Variants in EBF2 observed in about 807,000 individuals in gnomAD.
The protein encoded by EBF2 is transcription factor COE2.
Under a neutral mutation model 72.8 loss-of-function variants are expected in EBF2, and 21 were observed. That is an observed-to-expected ratio of 0.29 (90% CI 0.20 to 0.42). The LOEUF is 0.42. EBF2 is among the 10% of genes least tolerant of loss of function. The pLI is 1.00. For synonymous variants in EBF2, 299 were observed against 274.2 expected (o/e 1.09, Z -0.89); for missense variants, 637 against 731.2 (o/e 0.87, Z 1.49).
chr8:26,040,908 G>A, intron 3 of EBF2, 31 bp downstream of exon 3: 2 of 1,613,624 alleles, frequency 1.2e-6, no homozygotes, highest in African/African-American at 1.3e-5. Flanking sequence ...GCTGCTAGGC[G>A]CCGGCTCACC....
chr8:25,957,909 C>T (rs924341814), intron 6 of EBF2, among the ~76,000 whole-genome samples: 6 of 152,172 alleles, frequency 3.9e-5, no homozygotes, highest in African/African-American at 1.4e-4. Flanking sequence ...CCCTGTGATG[C>T]ACAGACCATC....
At chr8:25,999,966 G>C (rs1235072131) in intron 6 of EBF2, among the ~76,000 whole-genome samples, 2 of 152,130 alleles carry the variant, frequency 1.3e-5, no homozygotes, top group Admixed American at 6.5e-5. Flanking sequence ...CAAGGCAGTA[G>C]CACTAGCAAC....
intron 15 of EBF2, among the ~76,000 whole-genome samples, chr8:25,845,348 C>A (rs1801811718): frequency 1.3e-5 from 2 of 152,114 alleles, no homozygotes; most frequent in Admixed American, 6.5e-5. Context: ...CTGCCTCAGC[C>A]TCTGCCTCCT....
Position 26,018,125 on chromosome 8 carries a change from T to C in EBF2, c.551+14960A>G, listed in dbSNP as rs554096803. ...TAGGTTGGAAAAGTTTTTTTTTTTT[T>C]CTCTCCCTTCGCAGGAGCAAACAAA... is the stretch of plus-strand genomic sequence containing the variant. On this transcript the variant is annotated intron_variant, in intron 6 of 15. Transcript: ENST00000520164. 4.1e-4 allele frequency among the ~76,000 whole-genome samples: 61 copies of C among 149,070 alleles called. 1 individual carries two copies. The South Asian group carries it at 6.8e-3, about 17-fold the overall frequency.
chr8:26,026,534 C>T (rs1029362835), intron 6 of EBF2, among the ~76,000 whole-genome samples: 6 of 152,288 alleles, frequency 3.9e-5, no homozygotes, highest in East Asian at 3.9e-4. Flanking sequence ...GGTCCTAATC[C>T]GAGGCCCTTT....
intron 6 of EBF2, chr8:26,032,212 TTC>T (rs749921331): frequency 5.3e-5 from 8 of 152,146 alleles, no homozygotes; most frequent in Admixed American, 2.0e-4. Context: ...ATGCTATACT[TTC>T]CACGAAGAAA....
intron 6 of EBF2, among the ~76,000 whole-genome samples, chr8:25,958,470 C>T (rs192398696): frequency 3.3e-5 from 5 of 152,144 alleles, no homozygotes; most frequent in South Asian, 2.1e-4. Context: ...CATTCCTTCT[C>T]TCTCTTTTTT....
intron 10 of EBF2, among the ~76,000 whole-genome samples, chr8:25,881,083 T>C (rs1420065699): frequency 1.3e-5 from 2 of 152,230 alleles, no homozygotes; most frequent in Admixed American, 1.3e-4. Context: ...CCATCATTTC[T>C]GGCCTGGGCC....
intron 6 of EBF2, among the ~76,000 whole-genome samples, chr8:26,009,267 G>T (rs576991199): frequency 1.1e-4 from 16 of 152,260 alleles, no homozygotes; most frequent in Non-Finnish European, 1.9e-4. Flanking sequence ...CCCCCAGAAA[G>T]AAGAGAATCA....
intron 6 of EBF2, among the ~76,000 whole-genome samples, chr8:26,007,547 T>C (rs767131848): frequency 1.4e-4 from 21 of 152,012 alleles, no homozygotes; most frequent in Admixed American, 6.5e-5. Flanking sequence ...ACTAAAACAG[T>C]CTCATTTAGA....
chr8:25,971,212 G>GA (rs1000117819), intron 6 of EBF2, among the ~76,000 whole-genome samples: 1 of 152,110 alleles, frequency 6.6e-6, no homozygotes, highest in Non-Finnish European at 1.5e-5. Flanking sequence ...GGCTAATGTG[G>GA]AAAAATCTAG....
intron 13 of EBF2, among the ~76,000 whole-genome samples, chr8:25,859,313 T>TA: frequency 6.6e-6 from 1 of 152,344 alleles, no homozygotes; most frequent in East Asian, 1.9e-4. Context: ...TGGCGGGGCC[T>TA]GGAGGGGAAC....
At chr8:25,947,606 G>C (rs1381530353) in intron 6 of EBF2, among the ~76,000 whole-genome samples, 4 of 152,126 alleles carry the variant, frequency 2.6e-5, no homozygotes, top group Admixed American at 2.6e-4. Context: ...TCCCTTGATG[G>C]TCTGGCCCCT....
chr8:25,893,777 T>A (rs1314468789), intron 7 of EBF2, among the ~76,000 whole-genome samples: 2 of 152,230 alleles, frequency 1.3e-5, no homozygotes, highest in Admixed American at 1.3e-4. Context: ...GCTGATTTCA[T>A]CATTGTCCAT....
chr8:25,952,304 C>T (rs943164406), intron 6 of EBF2, among the ~76,000 whole-genome samples: 23 of 151,954 alleles, frequency 1.5e-4, no homozygotes, highest in African/African-American at 4.1e-4. Context: ...TGTTCACATG[C>T]CTGTTGGCCT....
intron 7 of EBF2, among the ~76,000 whole-genome samples, chr8:25,897,851 A>T (rs758047770): frequency 5.3e-5 from 8 of 152,200 alleles, no homozygotes; most frequent in Non-Finnish European, 1.2e-4. Context: ...CGGGTAGAAC[A>T]ATTTCCTTTC....
chr8:25,942,249 G>C (rs1803686981), intron 6 of EBF2, among the ~76,000 whole-genome samples: 1 of 152,178 alleles, frequency 6.6e-6, no homozygotes, highest in Non-Finnish European at 1.5e-5. Context: ...ATTCTTTAAG[G>C]TTTTTTATTG....
chr8:25,989,521 T>TA (rs1295796298), intron 6 of EBF2, among the ~76,000 whole-genome samples: 32 of 152,258 alleles, frequency 2.1e-4, no homozygotes, highest in African/African-American at 7.0e-4. Context: ...AATATCCATG[T>TA]AAACAAGGGG....
intron 6 of EBF2, among the ~76,000 whole-genome samples, chr8:25,977,001 T>C (rs945532141): frequency 6.6e-5 from 10 of 152,214 alleles, no homozygotes; most frequent in African/African-American, 2.4e-4. Flanking sequence ...ATTCCAGATG[T>C]GCAGCAGTGA....
Sources: gnomAD v4.1 joint callset for allele counts (sites outside exome capture counted in the v4.1 genomes callset) on GRCh38, gnomAD v4.1.1 for gene constraint, MANE v1.5 for transcripts, NCBI Gene and HGNC (gene_info 2026-07-23, HGNC 2026-07-21) for gene names.